BAZ2B: variants seen among roughly 807,000 people sequenced by gnomAD.
BAZ2B encodes the protein bromodomain adjacent to zinc finger domain protein 2B.
Under a neutral mutation model 246.0 loss-of-function variants are expected in BAZ2B, and 91 were observed. The observed-to-expected ratio is 0.37, with a 90% CI of 0.31 to 0.44. The LOEUF is 0.44. Ranked by LOEUF, BAZ2B falls within the 20% of genes least tolerant of loss-of-function variation. The pLI, the probability that BAZ2B is intolerant of heterozygous loss-of-function variation, is 1.00. For missense variants in BAZ2B, 2,332 were observed against 2,533.7 expected (o/e 0.92, Z 1.71); for synonymous variants, 855 against 860.0 (o/e 0.99, Z 0.10).
intron 13 of BAZ2B, among the ~76,000 whole-genome samples, chr2:159,417,205 C>A (rs2067888888): frequency 6.8e-6 from 1 of 146,492 alleles, no homozygotes; most frequent in Non-Finnish European, 1.5e-5. Context: ...AAGTCTCACT[C>A]TGTGGCCTAA....
At chr2:159,677,256 A>C in the BAZ2B span, among the ~76,000 whole-genome samples, 2 of 151,788 alleles carry the variant, frequency 1.3e-5, no homozygotes, top group African/African-American at 4.8e-5. Flanking sequence ...AAGAGGAAAA[A>C]GTCTACAAAA....
At chr2:159,630,014 A>C in the BAZ2B span, among the ~76,000 whole-genome samples, 1 of 152,110 alleles carries the variant, frequency 6.6e-6, no homozygotes. Context: ...TAAAACCTTT[A>C]AAAAAACATG....
At chr2:159,523,528 A>G (rs2084379451) in intron 2 of BAZ2B, among the ~76,000 whole-genome samples, 1 of 151,864 alleles carries the variant, frequency 6.6e-6, no homozygotes, top group Non-Finnish European at 1.5e-5. Flanking sequence ...ACATAGTGAA[A>G]CCCTGTCTCT....
chr2:159,428,450 T>C lies in BAZ2B; in HGVS notation c.2256-31A>G, dbSNP rs2070407541. The C allele has an allele frequency of 3.3e-6, 5 of 1,497,526 alleles. No individual in the cohort carries two copies. In the Admixed American group the frequency reaches 5.6e-5, roughly 17 times the overall value. The allele number at this position is 1,497,526 out of a possible 1,614,324, so 92.8% of individuals were successfully genotyped here. On this transcript the variant is annotated intron_variant, in intron 11 of 36. Coordinates refer to ENST00000392783, the MANE Select transcript of BAZ2B (RefSeq NM_013450.4). ...CATAACAGAAATGAAGGTTATGACA[T>C]ACTTAATTTCAAGAAAGCTTTTAAA...
At chr2:159,460,239 A>G (rs1192494388) in intron 3 of BAZ2B, 1 of 152,086 alleles carries the variant, frequency 6.6e-6, no homozygotes, top group African/African-American at 2.4e-5. Context: ...ATATTAAAGA[A>G]TAATTCAACA....
the BAZ2B span, among the ~76,000 whole-genome samples, chr2:159,676,059 C>T: frequency 1.3e-5 from 2 of 152,120 alleles, no homozygotes; most frequent in Non-Finnish European, 2.9e-5. Context: ...CCGCACCCGG[C>T]TAATATTTGT....
chr2:159,663,190 G>GT, the BAZ2B span, among the ~76,000 whole-genome samples: 41 of 141,886 alleles, frequency 2.9e-4, no homozygotes, highest in African/African-American at 4.4e-4. Context: ...TTTTGTTGTT[G>GT]TTTTTTTTTT....
At chr2:159,327,055 CTT>C (rs67194703) in intron 34 of BAZ2B, among the ~76,000 whole-genome samples, 1 of 142,900 alleles carries the variant, frequency 7.0e-6, no homozygotes, top group African/African-American at 2.6e-5. Context: ...TGGCTGCAAT[CTT>C]TTTTTTTTTT....
At chr2:159,417,722 T>A (rs1202837190) in intron 13 of BAZ2B, among the ~76,000 whole-genome samples, 1 of 152,214 alleles carries the variant, frequency 6.6e-6, no homozygotes, top group African/African-American at 2.4e-5. Flanking sequence ...TTGAGGCACC[T>A]TTACTCTGAG....
intron 36 of BAZ2B, 76 bp from the exon 37 acceptor site, chr2:159,320,494 G>C: frequency 1.6e-6 from 2 of 1,262,330 alleles, no homozygotes; most frequent in Non-Finnish European, 2.2e-6. Flanking sequence ...AGTTAATAAA[G>C]GGTAAAAATG....
chr2:159,367,844 C>T (rs1315652645), intron 27 of BAZ2B, among the ~76,000 whole-genome samples: 11 of 151,786 alleles, frequency 7.2e-5, no homozygotes, highest in African/African-American at 1.7e-4. Context: ...GCCAAGATCG[C>T]GCCACTGCAC....
intron 8 of BAZ2B, chr2:159,438,033 T>C: frequency 3.3e-6 from 1 of 306,496 alleles, no homozygotes; most frequent in Non-Finnish European, 5.9e-6. Flanking sequence ...TCTAAATCCT[T>C]AGATCTTGGG....
chr2:159,375,917 T>A (rs1030417101), intron 25 of BAZ2B, among the ~76,000 whole-genome samples: 1 of 152,220 alleles, frequency 6.6e-6, no homozygotes, highest in Non-Finnish European at 1.5e-5. Context: ...ATACTTGATA[T>A]ACTTGAACAC....
chr2:159,407,209 T>G (rs1432590339), intron 14 of BAZ2B, among the ~76,000 whole-genome samples: 1 of 151,360 alleles, frequency 6.6e-6, no homozygotes, highest in Non-Finnish European at 1.5e-5. Context: ...CAGTGGCTCA[T>G]GCCTGTAATC....
chr2:159,608,907 G>A (rs1166601584), intron 1 of BAZ2B, among the ~76,000 whole-genome samples: 2 of 152,116 alleles, frequency 1.3e-5, no homozygotes, highest in Non-Finnish European at 2.9e-5. Context: ...ACTCAACCTT[G>A]AAGTGCTGAG....
At chr2:159,500,304 G>A (rs186753438) in intron 2 of BAZ2B, among the ~76,000 whole-genome samples, 2 of 152,172 alleles carry the variant, frequency 1.3e-5, no homozygotes, top group East Asian at 3.9e-4. Flanking sequence ...TTTTTGTCAG[G>A]TTTCTTGAAG....
chr2:159,428,103 A>G, intron 12 of BAZ2B, 61 bp from the exon 13 acceptor site: 1 of 1,466,824 alleles, frequency 6.8e-7, no homozygotes, highest in Non-Finnish European at 9.5e-7. Flanking sequence ...GCTTTGATGT[A>G]TAGCTAGCTT....
chr2:159,421,750 C>A (rs1055881593), intron 13 of BAZ2B, among the ~76,000 whole-genome samples: 6 of 151,778 alleles, frequency 4.0e-5, no homozygotes, highest in African/African-American at 1.5e-4. Flanking sequence ...CCACGGTATT[C>A]AACAAGAAAA....
At chr2:159,582,211 T>C (rs1187105808) in intron 1 of BAZ2B, among the ~76,000 whole-genome samples, 2 of 152,214 alleles carry the variant, frequency 1.3e-5, no homozygotes, top group Non-Finnish European at 2.9e-5. Context: ...AATAAGTATA[T>C]ATATTCATGT....
Sources: allele counts gnomAD v4.1 joint callset (sites outside exome capture counted in the v4.1 genomes callset), GRCh38; gene constraint gnomAD v4.1.1; transcripts MANE v1.5; gene names NCBI Gene and HGNC (gene_info 2026-07-23, HGNC 2026-07-21).